Variants in SARNP observed in about 807,000 individuals in gnomAD.
SARNP encodes the protein SAP domain containing ribonucleoprotein.
SARNP carries 5 observed loss-of-function variants against 38.1 expected under a neutral mutation model. That is an observed-to-expected ratio of 0.13 (90% CI 0.07 to 0.28). The LOEUF (loss-of-function observed/expected upper bound fraction) is 0.28. Ranked by LOEUF, SARNP falls within the 10% of genes least tolerant of loss-of-function variation. The pLI is 1.00. For missense variants in SARNP, 180 were observed against 243.9 expected (o/e 0.74, Z 1.75); for synonymous variants, 84 against 80.6 (o/e 1.04, Z -0.23).
intron 4 of SARNP, 70 bp downstream of exon 4, chr12:55,800,492 G>A (rs1592577802): frequency 3.6e-6 from 4 of 1,113,196 alleles, no homozygotes; most frequent in African/African-American, 3.2e-5. Flanking sequence ...GGTAAACAAA[G>A]TTAAACATTA....
chr12:55,805,870 A>T (rs567244530), intron 1 of SARNP, among the ~76,000 whole-genome samples: 10 of 151,844 alleles, frequency 6.6e-5, no homozygotes, highest in Admixed American at 1.3e-4. Context: ...AATAAAAATA[A>T]AAATATAAAA....
chr12:55,758,080 A>G (rs563414049), intron 10 of SARNP, among the ~76,000 whole-genome samples: 21 of 152,280 alleles, frequency 1.4e-4, no homozygotes, highest in Middle Eastern at 3.4e-3. Flanking sequence ...CAACAGAACG[A>G]ATAGGGAGTG....
intron 9 of SARNP, among the ~76,000 whole-genome samples, chr12:55,768,709 T>C (rs1453828067): frequency 1.3e-5 from 2 of 152,004 alleles, no homozygotes; most frequent in Admixed American, 6.6e-5. Flanking sequence ...ATTACAGGCG[T>C]GAGCTACCAT....
downstream of SARNP, chr12:55,755,130 C>T (rs1445820719): frequency 6.6e-6 from 1 of 152,112 alleles, no homozygotes; most frequent in Non-Finnish European, 1.5e-5. Flanking sequence ...GTGGCATTGC[C>T]AGAGGCCCTC....
chr12:55,807,680 G>A (rs1880193232), intron 1 of SARNP, among the ~76,000 whole-genome samples: 1 of 151,522 alleles, frequency 6.6e-6, no homozygotes, highest in Non-Finnish European at 1.5e-5. Flanking sequence ...CGGGCGCGGT[G>A]GCGGGCGCCT....
At chr12:55,815,592 T>C (rs892000585) in intron 1 of SARNP, among the ~76,000 whole-genome samples, 1 of 152,034 alleles carries the variant, frequency 6.6e-6, no homozygotes, top group African/African-American at 2.4e-5. Flanking sequence ...GCCTCCTCAA[T>C]AGCTGGGACT....
At chr12:55,791,185 G>C (rs1421082650) in intron 7 of SARNP, among the ~76,000 whole-genome samples, 2 of 152,234 alleles carry the variant, frequency 1.3e-5, no homozygotes, top group African/African-American at 4.8e-5. Context: ...GCTGGGCAGG[G>C]AGAGGTAATG....
At chr12:55,805,623 G>T (rs1880115817) in intron 1 of SARNP, among the ~76,000 whole-genome samples, 1 of 152,218 alleles carries the variant, frequency 6.6e-6, no homozygotes, top group African/African-American at 2.4e-5. Context: ...TAGGCAGGCA[G>T]ATCAACTGAA....
At chr12:55,770,186 A>G (rs570996894) in intron 9 of SARNP, among the ~76,000 whole-genome samples, 9 of 151,632 alleles carry the variant, frequency 5.9e-5, no homozygotes, top group Non-Finnish European at 1.0e-4. Context: ...TGTCCTCAGA[A>G]GAAAAAAGAG....
intron 1 of SARNP, 80 bp from the exon 2 acceptor site, chr12:55,803,808 A>G: frequency 1.1e-6 from 1 of 891,512 alleles, no homozygotes; most frequent in Non-Finnish European, 1.8e-6. Context: ...CACAAGGAAA[A>G]GAAAAAAAGA....
At chr12:55,768,595 T>A (rs1878916088) in intron 9 of SARNP, among the ~76,000 whole-genome samples, 2 of 151,242 alleles carry the variant, frequency 1.3e-5, no homozygotes, top group African/African-American at 4.9e-5. Context: ...ACCAGGCTAA[T>A]TTTTGTATTT....
chr12:55,803,570 C>T, intron 2 of SARNP, 59 bp downstream of exon 2: 5 of 948,014 alleles, frequency 5.3e-6, no homozygotes, highest in Non-Finnish European at 7.9e-6. Flanking sequence ...GAAATCTTTT[C>T]AGTGTCAAAG....
chr12:55,769,855 G>A (rs1878953966), intron 9 of SARNP, among the ~76,000 whole-genome samples: 1 of 152,142 alleles, frequency 6.6e-6, no homozygotes, highest in South Asian at 2.1e-4. Context: ...TAAGTGTTCT[G>A]GGATTTTTAA....
intron 9 of SARNP, among the ~76,000 whole-genome samples, chr12:55,774,992 T>C (rs930356508): frequency 1.4e-5 from 2 of 147,136 alleles, no homozygotes; most frequent in African/African-American, 5.0e-5. Context: ...GTTTAAGCCA[T>C]TCTCCTGCCT....
At chr12:55,791,809 T>C (rs1009379344) in intron 7 of SARNP, among the ~76,000 whole-genome samples, 9 of 152,234 alleles carry the variant, frequency 5.9e-5, no homozygotes, top group African/African-American at 2.2e-4. Flanking sequence ...TTCAAACTTT[T>C]CAGGATTTCA....
chr12:55,765,244 G>A (rs933503614), intron 9 of SARNP, among the ~76,000 whole-genome samples: 2 of 152,114 alleles, frequency 1.3e-5, no homozygotes, highest in Non-Finnish European at 2.9e-5. Flanking sequence ...CTCCCCCAAC[G>A]TATGTCCACT....
intron 9 of SARNP, among the ~76,000 whole-genome samples, chr12:55,771,741 T>TTC (rs959014016): frequency 2.0e-5 from 3 of 152,168 alleles, no homozygotes; most frequent in African/African-American, 7.2e-5. Context: ...ATGTTAATAG[T>TTC]TCTCAGGCCA....
chr12:55,770,912 T>C (rs1302538270), intron 9 of SARNP, among the ~76,000 whole-genome samples: 2 of 151,964 alleles, frequency 1.3e-5, no homozygotes, highest in African/African-American at 2.4e-5. Context: ...GGGTTGTGTG[T>C]TGAAAGCATT....
intron 9 of SARNP, among the ~76,000 whole-genome samples, chr12:55,786,440 GTTT>G (rs1879496843): frequency 3.9e-5 from 3 of 77,664 alleles, no homozygotes; most frequent in African/African-American, 1.1e-4. Context: ...GCTTTGGTTT[GTTT>G]GTTTGTTTGT....
Sources: gnomAD v4.1 joint callset for allele counts (sites outside exome capture counted in the v4.1 genomes callset) on GRCh38, gnomAD v4.1.1 for gene constraint, MANE v1.5 for transcripts, NCBI Gene and HGNC (gene_info 2026-07-23, HGNC 2026-07-21) for gene names.